KLHL13: variants seen among roughly 807,000 people sequenced by gnomAD.
KLHL13 encodes kelch like family member 13, also known as kelch-like protein 13.
In KLHL13, 10 loss-of-function variants were observed where a neutral mutation model predicts 37.1. That is an observed-to-expected ratio of 0.27 (90% CI 0.17 to 0.46). The LOEUF (loss-of-function observed/expected upper bound fraction) is 0.46. Ranked by LOEUF, KLHL13 falls within the 20% of genes least tolerant of loss-of-function variation. The pLI is 1.00. For missense variants in KLHL13, 360 were observed against 509.3 expected (o/e 0.71, Z 2.82); for synonymous variants, 163 against 181.2 (o/e 0.90, Z 0.81).
intron 1 of KLHL13, among the ~76,000 whole-genome samples, chrX:118,112,557 G>A (rs2055424005): frequency 8.9e-6 from 1 of 112,212 alleles, no homozygotes. Context: ...ATAATGCTAA[G>A]CACAAAAGTT....
chrX:117,960,948 TA>T (rs1357728131), intron 1 of KLHL13, among the ~76,000 whole-genome samples: 1 of 112,019 alleles, frequency 8.9e-6, no homozygotes, highest in African/African-American at 3.2e-5. Flanking sequence ...CTATTACTAT[TA>T]ACTTTTAATA....
At chrX:118,116,209 T>C (rs1206460828) in intron 1 of KLHL13, among the ~76,000 whole-genome samples, 3 of 110,743 alleles carry the variant, frequency 2.7e-5, no homozygotes, top group Non-Finnish European at 5.7e-5. Flanking sequence ...GAGGAGAAGA[T>C]CTTGGAGAGA....
chrX:118,104,387 T>C (rs1332221867), intron 1 of KLHL13, among the ~76,000 whole-genome samples: 1 of 111,689 alleles, frequency 9.0e-6, no homozygotes, highest in African/African-American at 3.3e-5. Flanking sequence ...ATAAAATTTC[T>C]CAGAAATCTT....
intron 1 of KLHL13, among the ~76,000 whole-genome samples, chrX:118,023,717 C>T (rs1209355004): frequency 2.7e-5 from 3 of 111,170 alleles, no homozygotes; most frequent in Non-Finnish European, 3.8e-5. Flanking sequence ...TACAGGTGTG[C>T]ACCACCATGC....
chrX:118,036,722 C>T (rs1569299671), intron 1 of KLHL13, among the ~76,000 whole-genome samples: 1 of 110,878 alleles, frequency 9.0e-6, no homozygotes, highest in African/African-American at 3.3e-5. Context: ...GCAATGGCAA[C>T]AAAAGCCAAA....
intron 1 of KLHL13, among the ~76,000 whole-genome samples, chrX:118,048,659 G>A (rs998770630): frequency 1.8e-5 from 2 of 111,650 alleles, no homozygotes; most frequent in African/African-American, 3.3e-5. Flanking sequence ...ATGTGCAGAC[G>A]GGATATGACA....
At chrX:117,904,836 C>T (rs1203877349) in intron 5 of KLHL13, among the ~76,000 whole-genome samples, 1 of 111,110 alleles carries the variant, frequency 9.0e-6, no homozygotes, top group East Asian at 2.9e-4. Flanking sequence ...AGTTTGCTGG[C>T]CCCTAATCTA....
At chrX:118,005,118 T>C (rs1378458031) in intron 1 of KLHL13, among the ~76,000 whole-genome samples, 2 of 111,736 alleles carry the variant, frequency 1.8e-5, no homozygotes, top group Non-Finnish European at 3.8e-5. Flanking sequence ...AAAATTTGAA[T>C]GGGCTTTGAT....
At chrX:118,080,891 A>G (rs755690835) in intron 1 of KLHL13, among the ~76,000 whole-genome samples, 1 of 112,165 alleles carries the variant, frequency 8.9e-6, no homozygotes, top group South Asian at 3.7e-4. Context: ...CTGGATAAAG[A>G]AAATGTGGTA....
rs1197677483 is a variant in KLHL13, at chrX:117,922,221, C to T, written c.241-1851G>A. Among the ~76,000 whole-genome samples the T allele has an allele frequency of 1.3e-4, 15 of 111,257 alleles. No individual in the cohort carries two copies. In the Admixed American group the frequency reaches 1.4e-3, roughly 11 times the overall value. On this transcript the variant is annotated intron_variant, in intron 2 of 6. Transcript: ENST00000262820. ...TGTTTTTTTGAGACAGAGTCTCGCT[C>T]TGTCGCCCAGGCTGGAGTGCAGTGG...
intron 1 of KLHL13, among the ~76,000 whole-genome samples, chrX:118,104,380 A>G (rs1220027385): frequency 8.9e-6 from 1 of 111,840 alleles, no homozygotes; most frequent in East Asian, 2.8e-4. Context: ...TATACACATA[A>G]AATTTCTCAG....
At chrX:118,073,142 A>G (rs759610577) in intron 1 of KLHL13, among the ~76,000 whole-genome samples, 7 of 109,403 alleles carry the variant, frequency 6.4e-5, no homozygotes, top group South Asian at 4.0e-4. Context: ...CATTCCCTCT[A>G]TTTCTCCCTT....
At chrX:117,983,897 C>T (rs893349806) in intron 1 of KLHL13, among the ~76,000 whole-genome samples, 6 of 111,209 alleles carry the variant, frequency 5.4e-5, no homozygotes, top group Non-Finnish European at 7.6e-5. Flanking sequence ...TATATACTCG[C>T]CCCTTGGAAT....
intron 1 of KLHL13, among the ~76,000 whole-genome samples, chrX:117,950,649 T>C (rs1240577503): frequency 1.8e-5 from 2 of 111,565 alleles, no homozygotes; most frequent in Non-Finnish European, 3.8e-5. Flanking sequence ...CTATGAATGG[T>C]TTAACAACAC....
At chrX:117,953,481 C>A (rs180969673) in intron 1 of KLHL13, among the ~76,000 whole-genome samples, 1,945 of 110,634 alleles carry the variant, frequency 0.018, 39 homozygotes, top group African/African-American at 0.06. Flanking sequence ...TGCAGTGCAC[C>A]AGCATGGCAC....
chrX:117,928,061 A>C (rs1932185236), intron 2 of KLHL13, among the ~76,000 whole-genome samples: 1 of 112,416 alleles, frequency 8.9e-6, no homozygotes, highest in Admixed American at 9.4e-5. Context: ...CATGACTACA[A>C]TACCAAACAA....
chrX:118,037,260 C>T (rs2054456702), intron 1 of KLHL13, among the ~76,000 whole-genome samples: 1 of 83,899 alleles, frequency 1.2e-5, no homozygotes, highest in Non-Finnish European at 2.3e-5. Context: ...ACCCAAAGGA[C>T]TATAAATCAT....
intron 4 of KLHL13, among the ~76,000 whole-genome samples, chrX:117,913,506 C>G (rs962803256): frequency 8.9e-6 from 1 of 112,352 alleles, no homozygotes; most frequent in African/African-American, 3.2e-5. Flanking sequence ...CACTTAAAAA[C>G]AGAGTTATAA....
At chrX:118,043,215 A>G (rs1336433647) in intron 1 of KLHL13, among the ~76,000 whole-genome samples, 2 of 111,694 alleles carry the variant, frequency 1.8e-5, no homozygotes, top group Non-Finnish European at 3.8e-5. Flanking sequence ...GAACAGACCA[A>G]TAACAAGTAA....
Sources: allele counts gnomAD v4.1 joint callset (sites outside exome capture counted in the v4.1 genomes callset), GRCh38; gene constraint gnomAD v4.1.1; transcripts MANE v1.5; gene names NCBI Gene and HGNC (gene_info 2026-07-23, HGNC 2026-07-21).